The following COL4A2 variants were observed in gnomAD, a reference collection of about 807,000 sequenced individuals.
COL4A2 encodes the protein collagen type IV alpha 2 chain.
A neutral mutation model predicts 200.2 loss-of-function variants in COL4A2; 99 were observed. That is an observed-to-expected ratio of 0.49 (90% confidence interval 0.42 to 0.58). The LOEUF (loss-of-function observed/expected upper bound fraction) is 0.58. COL4A2 is among the 20% of genes least tolerant of loss of function. The pLI, the probability that COL4A2 is intolerant of heterozygous loss-of-function variation, is 0.00. For missense variants in COL4A2, 1,950 were observed against 2,314.1 expected (o/e 0.84, Z 3.23); for synonymous variants, 897 against 900.6 (o/e 1.00, Z 0.07).
chr13:110,456,490 T>C (rs897904322), intron 20 of COL4A2: 4 of 321,708 alleles, frequency 1.2e-5, no homozygotes, highest in East Asian at 1.8e-4. Flanking sequence ...AAAACTTTTC[T>C]TTGGACTCAA....
chr13:110,357,544 G>C lies in COL4A2; in HGVS notation c.172G>C (p.Gly58Arg), dbSNP rs1345921487. Residue 58 changes from glycine (G) to arginine (R), a missense_variant, in exon 4 of 48, where the codon GGT becomes CGT. Coordinates refer to ENST00000360467, the MANE Select transcript of COL4A2 (RefSeq NM_001846.4). Reference sequence around the variant, plus strand: ...GGGCTGCCAGTGCTACCCTGAGAAAGGTGGACGTGTAAGTCACAGCATTGC... The same window carrying C: ...GGGCTGCCAGTGCTACCCTGAGAAACGTGGACGTGTAAGTCACAGCATTGC... ...SGGCQCYPEK[G>R]GRGQPGPVGP... is the part of the protein sequence containing the mutation. The C allele has an allele frequency of 6.3e-7, 1 of 1,582,434 alleles. No individual in the cohort carries two copies.
intron 3 of COL4A2, among the ~76,000 whole-genome samples, chr13:110,319,980 G>A (rs774275957): frequency 1.9e-4 from 29 of 152,210 alleles, no homozygotes; most frequent in African/African-American, 6.8e-4. Flanking sequence ...ATTTCCTGCC[G>A]GTAAGTGCAG....
intron 22 of COL4A2, chr13:110,459,419 C>T (rs1881927642): frequency 6.5e-6 from 1 of 152,994 alleles, no homozygotes; most frequent in African/African-American, 2.4e-5. Flanking sequence ...CCATACCACA[C>T]TGTGGATGAA....
chr13:110,326,146 G>T (rs894045717), intron 3 of COL4A2, among the ~76,000 whole-genome samples: 2 of 152,184 alleles, frequency 1.3e-5, no homozygotes, highest in African/African-American at 4.8e-5. Context: ...TCGCCCAGGG[G>T]TGAGGAGCTT....
chr13:110,440,591 C>A (rs190789035), intron 16 of COL4A2, among the ~76,000 whole-genome samples: 70 of 152,196 alleles, frequency 4.6e-4, no homozygotes, highest in African/African-American at 1.5e-3. Context: ...AGTGAAACTC[C>A]ATCATAAAAT....
intron 4 of COL4A2, among the ~76,000 whole-genome samples, chr13:110,381,987 C>T (rs1181548199): frequency 1.3e-5 from 2 of 152,236 alleles, no homozygotes; most frequent in Non-Finnish European, 2.9e-5. Context: ...CAAATTTGCA[C>T]TAGAACTACA....
chr13:110,491,938 C>T, intron 37 of COL4A2, 132 bp from the exon 38 acceptor site: 2 of 674,388 alleles, frequency 3.0e-6, no homozygotes, highest in South Asian at 4.2e-5. Flanking sequence ...GTTCTAATCT[C>T]TCCTCCAACT....
chr13:110,362,735 A>G (rs977151741), intron 4 of COL4A2, among the ~76,000 whole-genome samples: 6 of 152,246 alleles, frequency 3.9e-5, no homozygotes, highest in Non-Finnish European at 4.4e-5. Flanking sequence ...CAGAGTTATC[A>G]GCACCACGCA....
intron 20 of COL4A2, among the ~76,000 whole-genome samples, chr13:110,451,274 G>T (rs923182348): frequency 1.3e-5 from 2 of 152,208 alleles, no homozygotes; most frequent in African/African-American, 4.8e-5. Flanking sequence ...GACCAAGCTT[G>T]TCCAACCCAC....
Position 110,458,882 on chromosome 13 carries a change from G to A in COL4A2, c.1544G>A (p.Gly515Glu), listed in dbSNP as rs2139493768. The A allele has an allele frequency of 6.2e-7, 1 of 1,609,558 alleles. No homozygotes were observed. Among genetic ancestry groups the A allele is most frequent in the Admixed American group, 1.7e-5 (1 of 59,428 alleles). Reference protein sequence around the residue: ...AGINGEPGRKGDRGDPGQHGL... With the variant: ...AGINGEPGRKEDRGDPGQHGL... ...ATCAACGGGGAGCCGGGGAGGAAAGGGGACAGAGGAGACCCCGGCCAACAC... is the reference window on the plus strand; with the variant it reads ...ATCAACGGGGAGCCGGGGAGGAAAGAGGACAGAGGAGACCCCGGCCAACAC... Residue 515 changes from glycine to glutamate, a missense_variant, in exon 22 of 48, where the codon GGG becomes GAG. By Grantham distance (98) the Gly-to-Glu change is moderately conservative (BLOSUM62 -2). This residue lies in a region of COL4A2 where 1,385 missense variants were observed against 1,720.5 expected (regional missense o/e 0.80). Coordinates refer to ENST00000360467, the MANE Select transcript of COL4A2 (RefSeq NM_001846.4).
At chr13:110,461,864 G>A (rs113405217) in intron 22 of COL4A2, among the ~76,000 whole-genome samples, 74 of 152,274 alleles carry the variant, frequency 4.9e-4, no homozygotes, top group African/African-American at 1.7e-3. Flanking sequence ...TTAAAGAAAA[G>A]GTACCATCCA....
intron 3 of COL4A2, among the ~76,000 whole-genome samples, chr13:110,339,805 G>A (rs758064999): frequency 1.6e-4 from 24 of 152,216 alleles, no homozygotes; most frequent in Non-Finnish European, 2.9e-4. Context: ...TCGGTGCCGA[G>A]GAGTTGCTAA....
In COL4A2 at chr13:110,367,131, G is replaced by A. The variant is rs138136302; in HGVS notation, c.180+9579G>A. ...AGGAACCCAATGTAAGCCCTGTATC[G>A]ATGGCAGCTTCCTGCGAAGCCACTG... On this transcript the variant is annotated intron_variant, in intron 4 of 47. Coordinates refer to ENST00000360467, the MANE Select transcript of COL4A2 (RefSeq NM_001846.4). Among the ~76,000 whole-genome samples the A allele has an allele frequency of 3.4e-3, 514 of 152,324 alleles. 2 individuals are homozygous for A. Among genetic ancestry groups the A allele is most frequent in the Middle Eastern group, 0.027 (8 of 294 alleles).
intron 3 of COL4A2, among the ~76,000 whole-genome samples, chr13:110,319,302 A>G (rs1885222448): frequency 6.6e-6 from 1 of 152,222 alleles, no homozygotes; most frequent in South Asian, 2.1e-4. Context: ...TTTAATATTA[A>G]TTAAATTTCA....
chr13:110,468,428 C>T (rs927095578), intron 27 of COL4A2: 2 of 429,002 alleles, frequency 4.7e-6, no homozygotes, highest in Non-Finnish European at 9.7e-6. Flanking sequence ...CCAGCACGCT[C>T]AGCACACACC....
At chr13:110,408,240 G>A (rs1283912702) in intron 4 of COL4A2, among the ~76,000 whole-genome samples, 1 of 152,228 alleles carries the variant, frequency 6.6e-6, no homozygotes, top group East Asian at 1.9e-4. Flanking sequence ...AGGGTCCCCA[G>A]GGCGGGGAGG....
chr13:110,419,467 G>T (rs1236750162), intron 4 of COL4A2, among the ~76,000 whole-genome samples: 1 of 152,166 alleles, frequency 6.6e-6, no homozygotes, highest in Non-Finnish European at 1.5e-5. Flanking sequence ...GTGATGTGGG[G>T]CCCTGATGCG....
At chr13:110,310,506 T>C (rs989410444) in intron 3 of COL4A2, among the ~76,000 whole-genome samples, 30 of 152,336 alleles carry the variant, frequency 2.0e-4, no homozygotes, top group African/African-American at 7.0e-4. Flanking sequence ...ACTAGGGACC[T>C]AGTAATATGT....
At chr13:110,355,963 G>A (rs1443256520) in intron 3 of COL4A2, among the ~76,000 whole-genome samples, 1 of 152,116 alleles carries the variant, frequency 6.6e-6, no homozygotes, top group Non-Finnish European at 1.5e-5. Context: ...TTACCTGTCA[G>A]GGGAGAGGAG....
Sources: allele counts gnomAD v4.1 joint callset (sites outside exome capture counted in the v4.1 genomes callset), GRCh38; gene constraint gnomAD v4.1.1; regional missense constraint gnomAD v4.1.1; transcripts MANE v1.5; gene names NCBI Gene and HGNC (gene_info 2026-07-23, HGNC 2026-07-21).